The following SMLR1 variants were observed in gnomAD, a reference collection of about 807,000 sequenced individuals.
SMLR1 encodes the protein small leucine rich protein 1, also known as small leucine-rich protein 1.
Under a neutral mutation model 6.1 loss-of-function variants are expected in SMLR1, and 3 were observed. The observed-to-expected ratio is 0.49, with a 90% confidence interval of 0.22 to 1.28. SMLR1 has a LOEUF of 1.28. Among genes scored for constraint, SMLR1 ranks in the 50% most tolerant of loss-of-function variants. The pLI, the probability that SMLR1 is intolerant of heterozygous loss-of-function variation, is 0.19. For synonymous variants in SMLR1, 55 were observed against 53.6 expected (o/e 1.03, Z -0.11); for missense variants, 126 against 124.8 (o/e 1.01, Z -0.05).
chr6:130,827,491 T>G lies in SMLR1; in HGVS notation c.78T>G (p.Thr26=). ...AAGCTGCCCTGGTCCTGAGTGTGAC[T>G]CCCATGGTCCCCGTGGGGTCTGTGT... is the stretch of plus-strand genomic sequence containing the variant. The part of the protein sequence containing the change: ...QRKAALVLSV[T]PMVPVGSVWL... Residue 26 remains threonine, a synonymous_variant, in exon 1 of 2, where the codon ACT becomes ACG. Transcript: ENST00000541421. 3.3e-6 allele frequency: 5 copies of G among 1,536,006 alleles called. No homozygotes were observed. The South Asian group carries it at 5.9e-5, about 18-fold the overall frequency.
At chr6:130,829,693 C>T (rs1428010869) in intron 1 of SMLR1, among the ~76,000 whole-genome samples, 1 of 152,210 alleles carries the variant, frequency 6.6e-6, no homozygotes, top group Non-Finnish European at 1.5e-5. Flanking sequence ...GGAGCAGAGG[C>T]TCCCAATAAC....
chr6:130,827,690 T>C, intron 1 of SMLR1, 39 bp downstream of exon 1: 1 of 1,432,536 alleles, frequency 7.0e-7, no homozygotes, highest in Non-Finnish European at 9.5e-7. Flanking sequence ...TTGGGCATCC[T>C]TTCCCACAGC....
At chr6:130,830,484 T>C (rs1313549912) in intron 1 of SMLR1, among the ~76,000 whole-genome samples, 1 of 152,174 alleles carries the variant, frequency 6.6e-6, no homozygotes, top group Non-Finnish European at 1.5e-5. Context: ...CTGAAATTTA[T>C]TGTTGGAAAG....
chr6:130,827,430 G>A lies in SMLR1; in HGVS notation c.17G>A (p.Arg6Gln), dbSNP rs889039724. ...CACTGAGACATGCTGAGCAAAGGCC[G>A]GAGCCCCAGAAGAAAACAAGTACAG... MLSKG[R>Q]SPRRKQVQTQ... The change falls in exon 1 of 2, where the codon CGG (arginine) becomes CAG (glutamine). Residue 6 changes from arginine (R) to glutamine (Q), a missense_variant. Transcript: ENST00000541421. The A allele has an allele frequency of 1.1e-5, 17 of 1,535,838 alleles. No homozygotes were observed. The highest frequency in any genetic ancestry group is 2.7e-5 in the African/African-American group (2 of 73,110).
At chr6:130,834,474 A>G (rs1192045861) in intron 1 of SMLR1, among the ~76,000 whole-genome samples, 1 of 151,116 alleles carries the variant, frequency 6.6e-6, no homozygotes, top group East Asian at 1.9e-4. Flanking sequence ...ACCAAAAGGT[A>G]AAAGGGAGAA....
rs570986078 is a variant in SMLR1 at position 130,830,457 on chromosome 6, C to T, written c.238+2806C>T. Among the ~76,000 whole-genome samples the T allele has an allele frequency of 4.6e-5, 7 of 152,246 alleles. No individual in the cohort carries two copies. The East Asian group carries it at 5.8e-4, about 13-fold the overall frequency. Reference sequence around the variant, plus strand: ...AAAAATGTGTGCATCCGTTACTTAACGCAATGGGGGTCCCATCTGAAATTT... The same window carrying T: ...AAAAATGTGTGCATCCGTTACTTAATGCAATGGGGGTCCCATCTGAAATTT... On this transcript the variant is annotated intron_variant, in intron 1 of 1. Coordinates refer to ENST00000541421, the MANE Select transcript of SMLR1 (RefSeq NM_001195597.2).
At chr6:130,831,807 G>A (rs1387169406) in intron 1 of SMLR1, among the ~76,000 whole-genome samples, 2 of 152,220 alleles carry the variant, frequency 1.3e-5, no homozygotes, top group Admixed American at 6.5e-5. Flanking sequence ...CAGCTTGCCT[G>A]TCTCATACAG....
rs1774619474 is a variant in SMLR1 at position 130,835,305 on chromosome 6, C to A, written c.*350C>A. ...TCTTACTACATAATCCCATAGGAAC[C>A]CCTATTATTCCGATTTTAGAGGTGA... On this transcript the variant is annotated 3_prime_UTR_variant, in exon 2 of 2. Transcript: ENST00000541421. 5.6e-6 allele frequency: 1 copy of A among 180,166 alleles called. No individual in the cohort carries two copies. The highest frequency in any genetic ancestry group is 1.2e-5 in the Non-Finnish European group (1 of 84,088). 11.2% of individuals were successfully genotyped at this position (180,166 alleles called of 1,614,324 possible).
rs1297267020 is a variant in SMLR1 at position 130,827,428 on chromosome 6, C to T, written c.15C>T (p.Gly5=). ...TCCACTGAGACATGCTGAGCAAAGG[C>T]CGGAGCCCCAGAAGAAAACAAGTAC... is the stretch of plus-strand genomic sequence containing the variant. MLSK[G]RSPRRKQVQT... The change falls in exon 1 of 2, where the codon GGC becomes GGT. Residue 5 remains glycine (G), a synonymous_variant. Coordinates refer to ENST00000541421, the MANE Select transcript of SMLR1 (RefSeq NM_001195597.2). The T allele has an allele frequency of 1.3e-6, 2 of 1,535,900 alleles. No homozygotes were observed. The highest frequency in any genetic ancestry group is 2.0e-5 in the Admixed American group (1 of 50,974).
chr6:130,833,884 G>A (rs1023975575), intron 1 of SMLR1, among the ~76,000 whole-genome samples: 7 of 152,066 alleles, frequency 4.6e-5, no homozygotes, highest in African/African-American at 1.2e-4. Context: ...TGGGGTACAT[G>A]GCATACAATG....
chr6:130,829,173 G>C (rs889809552), intron 1 of SMLR1, among the ~76,000 whole-genome samples: 1 of 152,148 alleles, frequency 6.6e-6, no homozygotes, highest in Admixed American at 6.5e-5. Context: ...AAAAACTGCA[G>C]CAAGTACAGG....
At chr6:130,832,738 GA>G (rs1330293703) in intron 1 of SMLR1, among the ~76,000 whole-genome samples, 1 of 152,112 alleles carries the variant, frequency 6.6e-6, no homozygotes, top group Non-Finnish European at 1.5e-5. Context: ...AAGAGCATTC[GA>G]ACCCTGGCTG....
rs891793925 is a variant in SMLR1, at chr6:130,835,250, G to A, written c.*295G>A. The A allele has an allele frequency of 1.2e-5, 3 of 254,266 alleles. No homozygotes were observed. The highest frequency in any genetic ancestry group is 2.3e-5 in the Non-Finnish European group (3 of 130,678). 15.8% of individuals were successfully genotyped at this position (254,266 alleles called of 1,614,324 possible). On this transcript the variant is annotated 3_prime_UTR_variant, in exon 2 of 2. Transcript: ENST00000541421. ...TATTGTGACTGTGTCTGCTCTAAAC[G>A]GCATATTTAAAAAATAAAATTCTGC...
intron 1 of SMLR1, 151 bp from the exon 2 acceptor site, chr6:130,834,719 T>A (rs1774591723): frequency 1.6e-6 from 1 of 626,550 alleles, no homozygotes; most frequent in Admixed American, 2.6e-5. Context: ...TAAGGATCGA[T>A]CCTGTAATAG....
chr6:130,832,698 C>A (rs558837512), intron 1 of SMLR1, among the ~76,000 whole-genome samples: 2 of 152,208 alleles, frequency 1.3e-5, no homozygotes, highest in African/African-American at 2.4e-5. Flanking sequence ...AAGTACATTG[C>A]CCAAGGTTAC....
chr6:130,835,281 C>G lies in SMLR1; in HGVS notation c.*326C>G. On this transcript the variant is annotated 3_prime_UTR_variant, in exon 2 of 2. Transcript: ENST00000541421. ...TTTAAAAAATAAAATTCTGCAGCAT[C>G]TTACTACATAATCCCATAGGAACCC... 4.6e-6 allele frequency: 1 copy of G among 219,086 alleles called. No homozygotes were observed. Among genetic ancestry groups the G allele is most frequent in the Non-Finnish European group, 9.3e-6 (1 of 107,466 alleles). The allele number at this position is 219,086 out of a possible 1,614,324, so 13.6% of individuals were successfully genotyped here.
At position 130,832,933 on chromosome 6, in the gene SMLR1, C is replaced by T. The variant is rs78638583; in HGVS notation, c.239-1937C>T. 2.8e-3 allele frequency among the ~76,000 whole-genome samples: 421 copies of T among 152,176 alleles called. 1 individual carries two copies. The highest frequency in any genetic ancestry group is 9.3e-3 in the African/African-American group (386 of 41,528). ...GAATTTGATCAATCTCTTAATATAACGGGGGTCATAATAGTTATTGATGAT... is the reference window on the plus strand; with the variant it reads ...GAATTTGATCAATCTCTTAATATAATGGGGGTCATAATAGTTATTGATGAT... On this transcript the variant is annotated intron_variant, in intron 1 of 1. Coordinates refer to ENST00000541421, the MANE Select transcript of SMLR1 (RefSeq NM_001195597.2).
intron 1 of SMLR1, among the ~76,000 whole-genome samples, chr6:130,828,030 A>C (rs1774332680): frequency 6.8e-6 from 1 of 147,298 alleles, no homozygotes; most frequent in African/African-American, 2.5e-5. Context: ...TTATGTGGCC[A>C]TGTGTGTGCA....
At chr6:130,830,201 C>A (rs768962766) in intron 1 of SMLR1, among the ~76,000 whole-genome samples, 19 of 152,112 alleles carry the variant, frequency 1.2e-4, no homozygotes, top group Non-Finnish European at 2.5e-4. Flanking sequence ...ATAATAATAA[C>A]CTGGACTTTT....
Sources: gnomAD v4.1 joint callset for allele counts (sites outside exome capture counted in the v4.1 genomes callset) on GRCh38, gnomAD v4.1.1 for gene constraint, MANE v1.5 for transcripts, NCBI Gene and HGNC (gene_info 2026-07-23, HGNC 2026-07-21) for gene names.